Variants in PCDHGB1 observed in about 807,000 individuals in gnomAD.
PCDHGB1 encodes protocadherin gamma-B1.
In PCDHGB1, 34 loss-of-function variants were observed where a neutral mutation model predicts 56.6. That is an observed-to-expected ratio of 0.60 (90% CI 0.46 to 0.80). PCDHGB1 has a LOEUF of 0.80. Among genes scored for constraint, PCDHGB1 ranks in the 30% least tolerant of loss-of-function variants. PCDHGB1 has a pLI of 0.00. For synonymous variants in PCDHGB1, 561 were observed against 505.9 expected (o/e 1.11, Z -1.46); for missense variants, 1,278 against 1,204.6 (o/e 1.06, Z -0.90).
At chr5:141,399,019 A>AC in intron 1 of PCDHGB1, 1 of 1,613,932 alleles carries the variant, frequency 6.2e-7, no homozygotes, top group Non-Finnish European at 8.5e-7. Context: ...CGGAGAAATT[A>AC]CCACTCAAAA....
At chr5:141,455,920 C>A (rs941360102) in intron 1 of PCDHGB1, among the ~76,000 whole-genome samples, 1 of 147,944 alleles carries the variant, frequency 6.8e-6, no homozygotes, top group Non-Finnish European at 1.5e-5. Flanking sequence ...TATTTTGAGA[C>A]GGAGTCTCGC....
At chr5:141,383,436 C>T in intron 1 of PCDHGB1, 1 of 1,613,968 alleles carries the variant, frequency 6.2e-7, no homozygotes, top group Non-Finnish European at 8.5e-7. Flanking sequence ...GCCACTTCTC[C>T]CTGGCTGTGC....
At chr5:141,365,464 A>G in intron 1 of PCDHGB1, 3 of 1,614,072 alleles carry the variant, frequency 1.9e-6, no homozygotes, top group Non-Finnish European at 2.5e-6. Flanking sequence ...ATTCTGGAGA[A>G]AATGGTGAGA....
intron 1 of PCDHGB1, chr5:141,420,437 T>G (rs2096496377): frequency 4.5e-6 from 5 of 1,109,618 alleles, no homozygotes; most frequent in Admixed American, 3.7e-5. Context: ...TTAAATTAAA[T>G]GCCTCAGTCT....
chr5:141,399,925 C>A (rs779347793), intron 1 of PCDHGB1: 3 of 1,612,364 alleles, frequency 1.9e-6, no homozygotes, highest in South Asian at 1.1e-5. Flanking sequence ...CAACGCCTGG[C>A]TGTCCTACCA....
rs1226463441 is a variant in PCDHGB1, at chr5:141,432,906, T to A, written c.2410-61901T>A. 6.2e-7 allele frequency: 1 copy of A among 1,614,176 alleles called. No individual in the cohort carries two copies. The highest frequency in any genetic ancestry group is 8.5e-7 in the Non-Finnish European group (1 of 1,180,002). ...GTCATCTTGCTGCTGGCGCTCAGGC[T>A]GCGGCGCTGGCACAAGTCACGCCTG... On this transcript the variant is annotated intron_variant, in intron 1 of 3. Coordinates refer to ENST00000523390, the MANE Select transcript of PCDHGB1 (RefSeq NM_018922.3). The surrounding 1 kb of genome is among the most constrained non-coding windows in gnomAD (Gnocchi z 6.0).
intron 1 of PCDHGB1, chr5:141,423,962 C>A: frequency 1.7e-6 from 2 of 1,168,402 alleles, no homozygotes; most frequent in South Asian, 4.2e-5. Context: ...TATTATTTTT[C>A]TATTATCAGT....
At chr5:141,393,017 C>T (rs1192044321) in intron 1 of PCDHGB1, 2 of 1,613,754 alleles carry the variant, frequency 1.2e-6, no homozygotes, top group Non-Finnish European at 1.7e-6. Context: ...GTATCGTCTC[C>T]AGAGGTAGGA....
At chr5:141,501,290 TACACACACACACACACAC>T (rs55762287) in intron 2 of PCDHGB1, among the ~76,000 whole-genome samples, 6 of 136,162 alleles carry the variant, frequency 4.4e-5, no homozygotes, top group South Asian at 2.4e-4. Flanking sequence ...TATTCCCTTA[TACACACACACACACACAC>T]ACACACACAC....
chr5:141,369,156 A>C lies in PCDHGB1; in HGVS notation c.2409+16487A>C, dbSNP rs534244995. ...CATGGAAAATGGCATGTTATTGACC[A>C]GGGAAAAGTGTAAATAACAAAAAGT... On this transcript the variant is annotated intron_variant, in intron 1 of 3. Coordinates refer to ENST00000523390, the MANE Select transcript of PCDHGB1 (RefSeq NM_018922.3). Among the ~76,000 whole-genome samples the C allele has an allele frequency of 1.4e-3, 215 of 152,354 alleles. 2 individuals carry two copies. Among genetic ancestry groups the C allele is most frequent in the Non-Finnish European group, 4.6e-4 (31 of 68,032 alleles).
chr5:141,415,740 G>GTTTTTTTTT (rs57426385), intron 1 of PCDHGB1: 68 of 625,028 alleles, frequency 1.1e-4, no homozygotes, highest in African/African-American at 1.3e-4. Context: ...GTTTATTAAG[G>GTTTTTTTTT]TTTTTTTTTT....
intron 1 of PCDHGB1, chr5:141,362,464 G>T: frequency 1.9e-6 from 3 of 1,614,038 alleles, no homozygotes; most frequent in Middle Eastern, 3.3e-4. Context: ...ATTGGTTCCC[G>T]CGCAAGATCT....
chr5:141,428,320 T>C (rs2097132935), intron 1 of PCDHGB1: 2 of 650,176 alleles, frequency 3.1e-6, no homozygotes, highest in Admixed American at 2.2e-5. Context: ...GGCCTTGGCC[T>C]TGATTTCTAT....
chr5:141,464,911 T>G (rs2099093002), intron 1 of PCDHGB1, among the ~76,000 whole-genome samples: 1 of 151,718 alleles, frequency 6.6e-6, no homozygotes, highest in Non-Finnish European at 1.5e-5. Context: ...GCTAATTTTT[T>G]TATTTTTTTG....
chr5:141,485,247 G>T lies in PCDHGB1; in HGVS notation c.2410-9560G>T. On this transcript the variant is annotated intron_variant, in intron 1 of 3. Coordinates refer to ENST00000523390, the MANE Select transcript of PCDHGB1 (RefSeq NM_018922.3). The surrounding 1 kb of genome is among the most constrained non-coding windows in gnomAD (Gnocchi z 5.7). ...CTTTTGTTCCTCTTTTACCACCTGG[G>T]TTACGTTTGTGGGCAGATCCGCTAC... The T allele has an allele frequency of 2.5e-6, 4 of 1,614,156 alleles. No individual in the cohort carries two copies. The highest frequency in any genetic ancestry group is 3.4e-6 in the Non-Finnish European group (4 of 1,180,010).
chr5:141,448,505 T>C (rs1041076095), intron 1 of PCDHGB1, among the ~76,000 whole-genome samples: 24 of 152,172 alleles, frequency 1.6e-4, no homozygotes, highest in African/African-American at 5.8e-4. Flanking sequence ...AGGTAAACAT[T>C]TTATAACTTT....
At chr5:141,392,760 A>C in intron 1 of PCDHGB1, 1 of 1,475,092 alleles carries the variant, frequency 6.8e-7, no homozygotes, top group Non-Finnish European at 9.0e-7. Context: ...GAAACTAAAT[A>C]AGACCCATTT....
chr5:141,478,920 C>T lies in PCDHGB1; in HGVS notation c.2410-15887C>T, dbSNP rs559060283. On this transcript the variant is annotated intron_variant, in intron 1 of 3. Transcript: ENST00000523390. Reference sequence around the variant, plus strand: ...GGAATAAGCTGCTGGATACCTCTAACCAGTGGCAGCTTCTAGGAATACAAA... The same window carrying T: ...GGAATAAGCTGCTGGATACCTCTAATCAGTGGCAGCTTCTAGGAATACAAA... 608 of 728,392 alleles carry T rather than the reference C, an allele frequency of 8.3e-4. 2 individuals are homozygous for T. The highest frequency in any genetic ancestry group is 1.2e-3 in the South Asian group (55 of 44,196). 45.1% of individuals were successfully genotyped at this position (728,392 alleles called of 1,614,324 possible).
rs143278253 is a variant in PCDHGB1 at position 141,476,491 on chromosome 5, C to T, written c.2410-18316C>T. 9.5e-5 allele frequency: 153 copies of T among 1,613,894 alleles called. No individual in the cohort carries two copies. The highest frequency in any genetic ancestry group is 5.4e-5 in the Non-Finnish European group (64 of 1,180,020). On this transcript the variant is annotated intron_variant, in intron 1 of 3. Transcript: ENST00000523390. This position sits in a 1 kb window ranked among gnomAD's most constrained non-coding sequence, Gnocchi z 7.6. ...AGCTGTTCAGCGTGGAAGTGGTGAT[C>T]CAGGACATCAACGACAACAATCCTG... is the stretch of plus-strand genomic sequence containing the variant.
Sources: gnomAD v4.1 joint callset for allele counts (sites outside exome capture counted in the v4.1 genomes callset) on GRCh38, gnomAD v4.1.1 for gene constraint, Gnocchi (gnomAD v3.1) non-coding constraint, MANE v1.5 for transcripts, NCBI Gene and HGNC (gene_info 2026-07-23, HGNC 2026-07-21) for gene names.